The following SGCZ variants were observed in gnomAD, a reference collection of about 807,000 sequenced individuals.
The protein encoded by SGCZ is zeta-sarcoglycan.
Under a neutral mutation model 41.3 loss-of-function variants are expected in SGCZ, and 40 were observed. That is an observed-to-expected ratio of 0.97 (90% CI 0.75 to 1.26). The LOEUF (loss-of-function observed/expected upper bound fraction) is 1.26. Among genes scored for constraint, SGCZ ranks in the 50% most tolerant of loss-of-function variants. The pLI is 0.00. For missense variants in SGCZ, 552 were observed against 369.8 expected (o/e 1.49, Z -4.04); for synonymous variants, 206 against 137.5 (o/e 1.50, Z -3.49).
intron 1 of SGCZ, among the ~76,000 whole-genome samples, chr8:14,951,325 TA>T (rs1800631104): frequency 6.6e-6 from 1 of 152,054 alleles, no homozygotes; most frequent in Admixed American, 6.6e-5. Context: ...TATTTTCCTA[TA>T]TTTTTCTTGT....
rs1302084063 is a variant in SGCZ at position 14,735,113 on chromosome 8, A to G, written c.40-180187T>C. 2.0e-5 allele frequency among the ~76,000 whole-genome samples: 3 copies of G among 152,282 alleles called. No homozygotes were observed. In the East Asian group the frequency reaches 5.8e-4, roughly 29 times the overall value. ...AATCCCCAAAAAGACGGTAGCACAT[A>G]AAATTTTGATTTTGATGCTTTCTCA... On this transcript the variant is annotated intron_variant, in intron 1 of 7. Coordinates refer to ENST00000382080, the MANE Select transcript of SGCZ (RefSeq NM_139167.4).
intron 1 of SGCZ, among the ~76,000 whole-genome samples, chr8:14,989,583 A>G (rs536418555): frequency 6.6e-6 from 1 of 152,302 alleles, no homozygotes; most frequent in South Asian, 2.1e-4. Flanking sequence ...AAGAGGCCTC[A>G]GGGATTCTTT....
intron 1 of SGCZ, among the ~76,000 whole-genome samples, chr8:14,875,205 G>T (rs1804305378): frequency 6.6e-6 from 1 of 152,140 alleles, no homozygotes; most frequent in Non-Finnish European, 1.5e-5. Context: ...ATCATCCAGA[G>T]GAGACAACAG....
chr8:15,165,838 A>G (rs952136135), intron 1 of SGCZ, among the ~76,000 whole-genome samples: 2 of 152,334 alleles, frequency 1.3e-5, no homozygotes, highest in East Asian at 1.9e-4. Context: ...CCGTGTGAAC[A>G]TATCGACTAT....
chr8:14,217,118 T>C (rs1042659825), intron 4 of SGCZ, among the ~76,000 whole-genome samples: 4 of 151,946 alleles, frequency 2.6e-5, no homozygotes, highest in East Asian at 3.9e-4. Flanking sequence ...AAACCCTGTC[T>C]ATACTAAAAA....
chr8:14,905,218 T>C (rs999228367), intron 1 of SGCZ, among the ~76,000 whole-genome samples: 2 of 151,996 alleles, frequency 1.3e-5, no homozygotes, highest in African/African-American at 4.8e-5. Context: ...AACACTTCCT[T>C]AATCATTTCA....
At chr8:14,744,855 A>G (rs936738592) in intron 1 of SGCZ, among the ~76,000 whole-genome samples, 5 of 152,132 alleles carry the variant, frequency 3.3e-5, no homozygotes, top group African/African-American at 7.2e-5. Flanking sequence ...CTCAGGGACT[A>G]TCGTCTTCTC....
chr8:14,156,530 G>A (rs541609912), intron 5 of SGCZ, among the ~76,000 whole-genome samples: 3 of 152,144 alleles, frequency 2.0e-5, no homozygotes, highest in Admixed American at 2.0e-4. Context: ...TTAACTTACT[G>A]TAACATTTTA....
chr8:14,856,514 A>T (rs1803550620), intron 1 of SGCZ, among the ~76,000 whole-genome samples: 1 of 152,212 alleles, frequency 6.6e-6, no homozygotes, highest in South Asian at 2.1e-4. Flanking sequence ...AAAACTTGGT[A>T]TGAGTGACTG....
chr8:14,844,429 T>C (rs1803032330), intron 1 of SGCZ, among the ~76,000 whole-genome samples: 1 of 152,200 alleles, frequency 6.6e-6, no homozygotes, highest in Non-Finnish European at 1.5e-5. Flanking sequence ...GTGTTACAAC[T>C]ATGATTTCCA....
At chr8:14,098,461 G>A (rs1178927632) in intron 7 of SGCZ, among the ~76,000 whole-genome samples, 1 of 152,166 alleles carries the variant, frequency 6.6e-6, no homozygotes, top group Admixed American at 6.5e-5. Flanking sequence ...GGGAATGAGA[G>A]ATGATTCCTT....
rs189487267 is a variant in SGCZ at position 14,758,270 on chromosome 8, T to A, written c.40-203344A>T. Among the ~76,000 whole-genome samples, 233 of 152,330 alleles carry A rather than the reference T, an allele frequency of 1.5e-3. 1 individual carries two copies. Among genetic ancestry groups the A allele is most frequent in the Non-Finnish European group, 2.6e-3 (179 of 68,034 alleles). ...TATTAAGTTCTTCCTGGATGGTGCA[T>A]ATAAGAGTGAGGGTGACAGGCATGG... On this transcript the variant is annotated intron_variant, in intron 1 of 7. Transcript: ENST00000382080.
chr8:14,644,452 G>A (rs1021125594), intron 1 of SGCZ, among the ~76,000 whole-genome samples: 1 of 151,790 alleles, frequency 6.6e-6, no homozygotes, highest in African/African-American at 2.4e-5. Context: ...TACCAAGCCT[G>A]CCTCATAGAT....
chr8:14,159,124 C>T (rs879361786), intron 5 of SGCZ, among the ~76,000 whole-genome samples: 9 of 151,944 alleles, frequency 5.9e-5, no homozygotes, highest in Non-Finnish European at 1.2e-4. Flanking sequence ...TTCATTGATA[C>T]ATGGCAGGAT....
chr8:14,194,001 C>A (rs536451535), intron 4 of SGCZ, among the ~76,000 whole-genome samples: 1 of 151,596 alleles, frequency 6.6e-6, no homozygotes, highest in Non-Finnish European at 1.5e-5. Flanking sequence ...ATTATCTTGA[C>A]AAGTCAGCAT....
At chr8:15,046,319 ATAAAT>A (rs373186011) in intron 1 of SGCZ, among the ~76,000 whole-genome samples, 15 of 152,234 alleles carry the variant, frequency 9.9e-5, no homozygotes, top group African/African-American at 2.9e-4. Context: ...TTAGCTAAAA[ATAAAT>A]TAAACACTAA....
intron 1 of SGCZ, among the ~76,000 whole-genome samples, chr8:14,921,541 T>A (rs1037835151): frequency 9.0e-5 from 13 of 144,242 alleles, no homozygotes; most frequent in South Asian, 2.2e-4. Flanking sequence ...AATCCCCATT[T>A]AAAAAAAAAA....
chr8:14,462,575 G>C (rs889374892), intron 2 of SGCZ, among the ~76,000 whole-genome samples: 4 of 151,766 alleles, frequency 2.6e-5, no homozygotes, highest in Non-Finnish European at 5.9e-5. Context: ...TATTCCATTG[G>C]TCTATGTGCC....
chr8:14,664,987 T>G (rs1474322084), intron 1 of SGCZ, among the ~76,000 whole-genome samples: 1 of 152,164 alleles, frequency 6.6e-6, no homozygotes, highest in Non-Finnish European at 1.5e-5. Context: ...ATTTGAATTT[T>G]TAGGTGGGGG....
Sources: allele counts gnomAD v4.1 joint callset (sites outside exome capture counted in the v4.1 genomes callset), GRCh38; gene constraint gnomAD v4.1.1; transcripts MANE v1.5; gene names NCBI Gene and HGNC (gene_info 2026-07-23, HGNC 2026-07-21).